Variants in HPSE2 observed in about 807,000 individuals in gnomAD.
The protein encoded by HPSE2 is heparanase 2 (inactive), also known as inactive heparanase-2.
A neutral mutation model predicts 60.5 loss-of-function variants in HPSE2; 38 were observed. That is an observed-to-expected ratio of 0.63 (90% CI 0.48 to 0.82). The LOEUF (loss-of-function observed/expected upper bound fraction) is 0.82. HPSE2 is among the 40% of genes least tolerant of loss of function. The pLI is 0.00. For missense variants in HPSE2, 713 were observed against 740.4 expected, an observed-to-expected ratio of 0.96 and a Z score of 0.43; for synonymous variants, 295 against 293.2, an observed-to-expected ratio of 1.01 and a Z score of -0.06.
chr10:98,604,870 G>A (rs1965905), intron 9 of HPSE2, among the ~76,000 whole-genome samples: 10,610 of 152,192 alleles, frequency 0.07, 492 homozygotes, highest in African/African-American at 0.13. Flanking sequence ...GACCCAGAGC[G>A]CCCAGTGCCC....
At chr10:99,195,802 C>T (rs1848375972) in intron 2 of HPSE2, among the ~76,000 whole-genome samples, 1 of 151,594 alleles carries the variant, frequency 6.6e-6, no homozygotes, top group Non-Finnish European at 1.5e-5. Context: ...TCTACAGATT[C>T]AATGCAATCC....
At chr10:98,612,954 T>C (rs1390438835) in intron 9 of HPSE2, among the ~76,000 whole-genome samples, 2 of 152,134 alleles carry the variant, frequency 1.3e-5, no homozygotes, top group East Asian at 1.9e-4. Context: ...GTCACCCTAG[T>C]GTTCTTGTGT....
chr10:98,545,413 C>T (rs1215502358), intron 9 of HPSE2, among the ~76,000 whole-genome samples: 1 of 152,124 alleles, frequency 6.6e-6, no homozygotes, highest in Non-Finnish European at 1.5e-5. Flanking sequence ...CAATAAAATA[C>T]TGGCAAATCG....
At chr10:98,515,473 G>C (rs1942572300) in intron 9 of HPSE2, among the ~76,000 whole-genome samples, 1 of 152,086 alleles carries the variant, frequency 6.6e-6, no homozygotes, top group African/African-American at 2.4e-5. Context: ...GTAGTCACTA[G>C]AAATTATATT....
At chr10:99,132,170 AAAG>A (rs1564832491) in intron 3 of HPSE2, among the ~76,000 whole-genome samples, 76 of 7,404 alleles carry the variant, frequency 0.01, 5 homozygotes, top group Middle Eastern at 0.1. Context: ...AGAAAGAAAG[AAAG>A]AAAGAAAGAA....
chr10:98,759,276 A>G (rs996850440), intron 3 of HPSE2, among the ~76,000 whole-genome samples: 4 of 152,092 alleles, frequency 2.6e-5, no homozygotes, highest in Non-Finnish European at 5.9e-5. Context: ...TGTATGCCAA[A>G]TACTCATGAC....
chr10:98,742,780 CACACACATACAT>C (rs1949529498), intron 4 of HPSE2, among the ~76,000 whole-genome samples: 1 of 88,610 alleles, frequency 1.1e-5, no homozygotes, highest in Non-Finnish European at 2.3e-5. Context: ...CACATACACA[CACACACATACAT>C]ACACACACAC....
intron 3 of HPSE2, among the ~76,000 whole-genome samples, chr10:99,127,942 G>C (rs1055846266): frequency 6.6e-6 from 1 of 152,266 alleles, no homozygotes; most frequent in Admixed American, 6.5e-5. Context: ...CAAATGCTGA[G>C]AGAATTCACC....
the HPSE2 span, among the ~76,000 whole-genome samples, chr10:99,284,880 T>C: frequency 5.9e-5 from 9 of 152,044 alleles, no homozygotes; most frequent in Non-Finnish European, 1.2e-4. Flanking sequence ...CATGGAAAAT[T>C]AAAAACATTT....
At chr10:98,727,092 TA>T (rs981967674) in intron 4 of HPSE2, among the ~76,000 whole-genome samples, 9 of 151,808 alleles carry the variant, frequency 5.9e-5, no homozygotes, top group African/African-American at 1.7e-4. Context: ...GATTAAGAAA[TA>T]AAAAAACTTA....
intron 3 of HPSE2, among the ~76,000 whole-genome samples, chr10:98,879,257 G>C (rs1224096809): frequency 6.6e-6 from 1 of 152,000 alleles, no homozygotes; most frequent in Non-Finnish European, 1.5e-5. Context: ...GTACATGTAA[G>C]TATACTATTT....
chr10:98,703,433 G>A lies in HPSE2; in HGVS notation c.957-9486C>T, dbSNP rs549273117. ...GGGACTCCTCCCTAGCTCATTTTAT[G>A]AGGCCAGCATCATCCTGATACCAGA... On this transcript the variant is annotated intron_variant, in intron 5 of 11. Transcript: ENST00000370552. Among the ~76,000 whole-genome samples, 264 of 152,058 alleles carry A rather than the reference G, an allele frequency of 1.7e-3. 1 individual carries two copies. The highest frequency in any genetic ancestry group is 2.6e-3 in the Non-Finnish European group (180 of 68,004).
At chr10:99,219,377 A>G (rs756878059) in intron 2 of HPSE2, among the ~76,000 whole-genome samples, 22 of 152,138 alleles carry the variant, frequency 1.4e-4, no homozygotes, top group Non-Finnish European at 3.2e-4. Context: ...TCAATGAATG[A>G]CAGTTTAAAA....
the HPSE2 span, among the ~76,000 whole-genome samples, chr10:99,294,873 T>C: frequency 6.6e-6 from 1 of 152,032 alleles, no homozygotes; most frequent in Non-Finnish European, 1.5e-5. Context: ...GGGGCATTGT[T>C]TGAACCTGGT....
intron 3 of HPSE2, among the ~76,000 whole-genome samples, chr10:99,100,583 G>A (rs544413888): frequency 6.6e-6 from 1 of 152,200 alleles, no homozygotes; most frequent in Admixed American, 6.5e-5. Context: ...ATATTAGCCA[G>A]GAGAACTTTC....
intron 3 of HPSE2, among the ~76,000 whole-genome samples, chr10:98,789,691 G>A (rs1036191184): frequency 6.6e-6 from 1 of 152,158 alleles, no homozygotes; most frequent in African/African-American, 2.4e-5. Context: ...GCCGGAAGCT[G>A]TCTATTGACC....
intron 3 of HPSE2, among the ~76,000 whole-genome samples, chr10:99,140,360 T>C (rs1054092479): frequency 6.6e-6 from 1 of 152,204 alleles, no homozygotes; most frequent in Non-Finnish European, 1.5e-5. Flanking sequence ...GAAAGTGTCT[T>C]GTGTAATGCC....
intron 11 of HPSE2, among the ~76,000 whole-genome samples, chr10:98,464,280 A>C (rs1364478773): frequency 6.6e-6 from 1 of 152,184 alleles, no homozygotes; most frequent in Non-Finnish European, 1.5e-5. Context: ...TTTTGAAAGG[A>C]CAATTACTAT....
chr10:98,639,020 AAGG>A (rs1235655807), intron 7 of HPSE2, among the ~76,000 whole-genome samples: 3 of 152,182 alleles, frequency 2.0e-5, no homozygotes, highest in Non-Finnish European at 4.4e-5. Context: ...CCCGCATTGA[AAGG>A]AGGAGTTTAT....
Sources: gnomAD v4.1 joint callset for allele counts (sites outside exome capture counted in the v4.1 genomes callset) on GRCh38, gnomAD v4.1.1 for gene constraint, MANE v1.5 for transcripts, NCBI Gene and HGNC (gene_info 2026-07-23, HGNC 2026-07-21) for gene names.